PATJ: variants seen among roughly 807,000 people sequenced by gnomAD.
PATJ encodes PATJ crumbs cell polarity complex component, also known as inaD-like protein.
Under a neutral mutation model 224.9 loss-of-function variants are expected in PATJ, and 190 were observed. The observed-to-expected ratio is 0.84, with a 90% CI of 0.75 to 0.95. The LOEUF is 0.95. Among genes scored for constraint, PATJ ranks in the 40% least tolerant of loss-of-function variants. PATJ has a pLI of 0.00. For synonymous variants in PATJ, 769 were observed against 820.3 expected (o/e 0.94, Z 1.07); for missense variants, 2,121 against 2,270.3 (o/e 0.93, Z 1.34).
intron 31 of PATJ, among the ~76,000 whole-genome samples, chr1:62,069,055 A>C (rs1426277834): frequency 8.5e-5 from 13 of 152,238 alleles, no homozygotes. Context: ...ACCCAAGGTC[A>C]CTGCCGTGGC....
In PATJ at chr1:61,938,276, G is replaced by A. The variant is rs76784623; in HGVS notation, c.3670+10447G>A. Reference sequence around the variant, plus strand: ...TGATTGGTTGGGGTATCAAGGTATGGTCCCTTACAAGGAAGAATTATTTTG... The same window carrying A: ...TGATTGGTTGGGGTATCAAGGTATGATCCCTTACAAGGAAGAATTATTTTG... On this transcript the variant is annotated intron_variant, in intron 27 of 43. Coordinates refer to ENST00000642238, the MANE Select transcript of PATJ (RefSeq NM_001350145.3). 9.9e-4 allele frequency among the ~76,000 whole-genome samples: 150 copies of A among 152,166 alleles called. 3 individuals are homozygous for A. The East Asian group carries it at 0.017, about 17-fold the overall frequency.
chr1:61,834,629 G>C lies in PATJ; in HGVS notation c.2112+844G>C, dbSNP rs375945124. Among the ~76,000 whole-genome samples the C allele has an allele frequency of 2.2e-4, 33 of 152,178 alleles. No individual in the cohort carries two copies. The East Asian group carries it at 6.2e-3, about 28-fold the overall frequency. ...GGTTTAGTAAAGCAAAATGTACTCT[G>C]TTAAAGCCCATAAAATGCCAAGTGA... On this transcript the variant is annotated intron_variant, in intron 17 of 43. Coordinates refer to ENST00000642238, the MANE Select transcript of PATJ (RefSeq NM_001350145.3).
At chr1:61,850,932 G>A (rs2148884512) in intron 17 of PATJ, among the ~76,000 whole-genome samples, 1 of 152,346 alleles carries the variant, frequency 6.6e-6, no homozygotes, top group South Asian at 2.1e-4. Flanking sequence ...ATGATGGGAT[G>A]TGGCTTTTGC....
intron 20 of PATJ, among the ~76,000 whole-genome samples, chr1:61,871,075 TTTTG>T (rs1204108106): frequency 6.7e-6 from 1 of 150,108 alleles, no homozygotes. Context: ...TTTTTGTTTT[TTTTG>T]TTTTTTTTTT....
intron 10 of PATJ, 59 bp from the exon 11 acceptor site, chr1:61,797,228 A>G (rs1651519052): frequency 1.9e-6 from 3 of 1,547,968 alleles, no homozygotes; most frequent in Non-Finnish European, 1.8e-6. Context: ...CAGTGTTGCC[A>G]GAGCTAAAAA....
intron 27 of PATJ, among the ~76,000 whole-genome samples, chr1:61,948,835 C>T (rs187034833): frequency 3.3e-5 from 5 of 152,110 alleles, no homozygotes; most frequent in African/African-American, 9.6e-5. Context: ...CAGTGATAGA[C>T]TGGATTAAAA....
intron 28 of PATJ, among the ~76,000 whole-genome samples, chr1:62,016,211 G>A (rs946289360): frequency 2.0e-5 from 3 of 152,180 alleles, no homozygotes; most frequent in African/African-American, 7.2e-5. Flanking sequence ...ACTTAGGAAA[G>A]GTGATGGAAG....
At chr1:62,039,040 T>A (rs1190035618) in intron 30 of PATJ, 1 of 1,019,346 alleles carries the variant, frequency 9.8e-7, no homozygotes, top group East Asian at 2.4e-5. Flanking sequence ...GTGTCCAGCA[T>A]CAGATAATGG....
chr1:61,996,786 A>G (rs965198653), intron 28 of PATJ, among the ~76,000 whole-genome samples: 21 of 126,944 alleles, frequency 1.7e-4, no homozygotes, highest in African/African-American at 6.3e-4. Flanking sequence ...TCTATCGCCC[A>G]GGCTGGAGTA....
chr1:62,077,817 G>A (rs751521921), intron 31 of PATJ, among the ~76,000 whole-genome samples: 5 of 152,106 alleles, frequency 3.3e-5, no homozygotes, highest in African/African-American at 7.2e-5. Context: ...ATTGACTTCC[G>A]GTTCTACCTC....
intron 27 of PATJ, among the ~76,000 whole-genome samples, chr1:61,989,066 G>A (rs1418729396): frequency 6.6e-6 from 1 of 152,144 alleles, no homozygotes; most frequent in Non-Finnish European, 1.5e-5. Context: ...GCGGGGCACA[G>A]CACATGCTTA....
At chr1:61,795,122 A>AT (rs71050161) in intron 9 of PATJ, among the ~76,000 whole-genome samples, 2 of 149,454 alleles carry the variant, frequency 1.3e-5, no homozygotes, top group African/African-American at 4.9e-5. Flanking sequence ...AAAAAAAAAA[A>AT]GAAGTTTTAT....
At chr1:61,822,768 T>C (rs1412334327) in intron 14 of PATJ, among the ~76,000 whole-genome samples, 177 bp from the exon 15 acceptor site, 3 of 152,236 alleles carry the variant, frequency 2.0e-5, no homozygotes, top group African/African-American at 7.2e-5. Context: ...GAGAACAAGA[T>C]GACCAATGAC....
chr1:61,871,911 G>C (rs1407047918), intron 20 of PATJ, among the ~76,000 whole-genome samples: 2 of 137,484 alleles, frequency 1.5e-5, no homozygotes, highest in Non-Finnish European at 3.1e-5. Flanking sequence ...TCTCCATGTT[G>C]GTCAGGCTGG....
intron 22 of PATJ, among the ~76,000 whole-genome samples, chr1:61,898,531 C>T (rs1364471429): frequency 6.6e-6 from 1 of 152,048 alleles, no homozygotes; most frequent in Non-Finnish European, 1.5e-5. Context: ...AGCCACCACA[C>T]CTGGCCAAGG....
At chr1:61,871,468 T>TAC in intron 20 of PATJ, among the ~76,000 whole-genome samples, 3 of 92,332 alleles carry the variant, frequency 3.2e-5, no homozygotes, top group Admixed American at 1.1e-4. Context: ...TATATATATG[T>TAC]ATATACATAT....
At position 62,114,091 on chromosome 1, in the gene PATJ, A is replaced by G; in HGVS notation, c.4500A>G (p.Glu1500=). Residue 1500 remains glutamate (E), a synonymous_variant, in exon 35 of 44, where the codon GAA becomes GAG. Transcript: ENST00000642238. ...GVDLRNSSHE[E]AITALRQTPQ... is the part of the protein sequence containing the mutation. ...ACCTGAGGAACTCCAGCCACGAAGA[A>G]GCCATCACAGCCCTGAGGCAGACCC... The G allele has an allele frequency of 6.2e-7, 1 of 1,614,148 alleles. No homozygotes were observed. Among genetic ancestry groups the G allele is most frequent in the Non-Finnish European group, 8.5e-7 (1 of 1,180,012 alleles).
At chr1:61,991,800 C>T (rs1181256995) in intron 28 of PATJ, 1 of 941,326 alleles carries the variant, frequency 1.1e-6, no homozygotes, top group Non-Finnish European at 1.3e-6. Context: ...CAGTTTGTTT[C>T]CTTTGGCTTA....
Position 61,901,307 on chromosome 1 carries a change from G to A in PATJ, c.3229G>A (p.Val1077Met), listed in dbSNP as rs199687516. Reference sequence around the variant, plus strand: ...TGTTGAGATTTTTAGAGAACCCAATGTGTCTCTTGGGATCAGTATTGTTGG... The same window carrying A: ...TGTTGAGATTTTTAGAGAACCCAATATGTCTCTTGGGATCAGTATTGTTGG... ...RIVEIFREPNVSLGISIVGGQ... is the reference protein window; with the variant it reads ...RIVEIFREPNMSLGISIVGGQ... Residue 1077 changes from valine to methionine, a missense_variant, in exon 24 of 44, where the codon GTG (valine) becomes ATG (methionine). By Grantham distance (21) the Val-to-Met change is conservative (BLOSUM62 1). Transcript: ENST00000642238. The A allele has an allele frequency of 1.0e-5, 16 of 1,538,784 alleles. No homozygotes were observed. In the Admixed American group the frequency reaches 2.0e-4, roughly 20 times the overall value.
Sources: allele counts gnomAD v4.1 joint callset (sites outside exome capture counted in the v4.1 genomes callset), GRCh38; gene constraint gnomAD v4.1.1; transcripts MANE v1.5; gene names NCBI Gene and HGNC (gene_info 2026-07-23, HGNC 2026-07-21).